Variants in KLHL4 observed in about 807,000 individuals in gnomAD.
KLHL4 encodes kelch like family member 4.
A neutral mutation model predicts 45.8 loss-of-function variants in KLHL4; 17 were observed. The observed-to-expected ratio is 0.37, with a 90% CI of 0.25 to 0.56. KLHL4 has a LOEUF of 0.56. Ranked by LOEUF, KLHL4 falls within the 20% of genes least tolerant of loss-of-function variation. The pLI is 0.79. For missense variants in KLHL4, 544 were observed against 544.9 expected (o/e 1.00, Z 0.02); for synonymous variants, 224 against 189.9 (o/e 1.18, Z -1.47).
chrX:87,545,441 C>T (rs966289152), intron 1 of KLHL4, among the ~76,000 whole-genome samples: 1 of 111,363 alleles, frequency 9.0e-6, no homozygotes, highest in African/African-American at 3.3e-5. Context: ...CCTTTGCTTC[C>T]TACACATGCC....
intron 1 of KLHL4, among the ~76,000 whole-genome samples, chrX:87,537,537 C>T (rs1219605236): frequency 3.6e-5 from 4 of 110,684 alleles, no homozygotes; most frequent in Non-Finnish European, 7.6e-5. Flanking sequence ...TGTAGATACA[C>T]ACACATATAC....
At chrX:87,614,123 C>A in intron 2 of KLHL4, 79 bp downstream of exon 2, 1 of 719,226 alleles carries the variant, frequency 1.4e-6, no homozygotes. Context: ...GGATTATAAA[C>A]TGGAATATTG....
intron 9 of KLHL4, among the ~76,000 whole-genome samples, chrX:87,653,937 C>A (rs1230600919): frequency 9.0e-6 from 1 of 110,742 alleles, no homozygotes; most frequent in Non-Finnish European, 1.9e-5. Flanking sequence ...AAGGAGAACA[C>A]ATGGACACAG....
At chrX:87,643,772 A>G (rs1240107711) in intron 9 of KLHL4, among the ~76,000 whole-genome samples, 2 of 112,011 alleles carry the variant, frequency 1.8e-5, no homozygotes, top group Non-Finnish European at 3.8e-5. Flanking sequence ...TAAATGTGGT[A>G]CAACTCATAA....
chrX:87,572,418 CTT>C (rs1160752319), intron 1 of KLHL4, among the ~76,000 whole-genome samples: 1 of 110,923 alleles, frequency 9.0e-6, no homozygotes, highest in East Asian at 2.8e-4. Flanking sequence ...CTCTCTCTCT[CTT>C]TCTCTCTATT....
At position 87,667,534 on chromosome X, in the gene KLHL4, T is replaced by A. The variant is rs1196411810; in HGVS notation, c.*1000T>A. On this transcript the variant is annotated 3_prime_UTR_variant, in exon 11 of 11. Coordinates refer to ENST00000373119, the MANE Select transcript of KLHL4 (RefSeq NM_019117.5). The stretch of plus-strand genomic sequence containing the variant: ...TAGTTATCTTTTTTGTACCAACACA[T>A]GCTTTTCTGTTACTGTTATATTATC... The A allele has an allele frequency of 1.4e-6, 1 of 698,088 alleles. No individual in the cohort carries two copies. Among genetic ancestry groups the A allele is most frequent in the Non-Finnish European group, 1.7e-6 (1 of 590,228 alleles). 57.5% of individuals were successfully genotyped at this position (698,088 alleles called of 1,213,427 possible).
intron 1 of KLHL4, among the ~76,000 whole-genome samples, chrX:87,543,734 G>A (rs995527837): frequency 5.4e-5 from 6 of 111,164 alleles, no homozygotes; most frequent in Non-Finnish European, 9.4e-5. Context: ...TTGCCACAAA[G>A]AGCCAAAATG....
chrX:87,520,983 G>A (rs1259450449), intron 1 of KLHL4, among the ~76,000 whole-genome samples: 1 of 111,827 alleles, frequency 8.9e-6, no homozygotes. Flanking sequence ...AAGAGATGTC[G>A]TGATTTCCTC....
intron 9 of KLHL4, among the ~76,000 whole-genome samples, chrX:87,643,033 C>T (rs776296566): frequency 9.0e-6 from 1 of 111,233 alleles, no homozygotes; most frequent in East Asian, 2.8e-4. Context: ...CATCCAAATA[C>T]AAGAAGCACA....
chrX:87,540,778 T>A (rs2147772731), intron 1 of KLHL4, among the ~76,000 whole-genome samples: 1 of 112,027 alleles, frequency 8.9e-6, no homozygotes, highest in South Asian at 3.7e-4. Context: ...ACAGTATATA[T>A]ATAAGCCAGT....
intron 1 of KLHL4, among the ~76,000 whole-genome samples, chrX:87,533,641 A>C (rs960367025): frequency 3.7e-5 from 4 of 108,893 alleles, no homozygotes; most frequent in African/African-American, 1.3e-4. Flanking sequence ...GCAGCATGGC[A>C]CATGTATACA....
intron 7 of KLHL4, 54 bp from the exon 8 acceptor site, chrX:87,633,695 T>C (rs1272927983): frequency 1.5e-5 from 15 of 1,000,517 alleles, no homozygotes; most frequent in Non-Finnish European, 1.9e-5. Context: ...AATGAAACAA[T>C]ATTCAGTGTG....
At chrX:87,665,418 T>C (rs776215830) in intron 10 of KLHL4, among the ~76,000 whole-genome samples, 44 of 110,986 alleles carry the variant, frequency 4.0e-4, no homozygotes, top group African/African-American at 1.4e-3. Flanking sequence ...TAGACTGCAA[T>C]ACTCCTAAAT....
At chrX:87,576,250 G>A (rs1009991558) in intron 1 of KLHL4, among the ~76,000 whole-genome samples, 19 of 111,477 alleles carry the variant, frequency 1.7e-4, no homozygotes, top group Non-Finnish European at 3.0e-4. Context: ...TCTATTTCAT[G>A]TAGTTTTGGA....
intron 1 of KLHL4, among the ~76,000 whole-genome samples, chrX:87,555,863 T>TA: frequency 9.0e-6 from 1 of 110,806 alleles, no homozygotes; most frequent in African/African-American, 3.3e-5. Context: ...TTTAGTGCTA[T>TA]AAATTTCCCT....
rs780778414 is a variant in KLHL4 at position 87,633,778 on chromosome X, G to T, written c.1579G>T (p.Ala527Ser). ...GVATLEGPMY[A>S]VGGHDGWSYL... The stretch of plus-strand genomic sequence containing the variant: ...AGCCACTCTTGAAGGACCAATGTAT[G>T]CTGTAGGTGGTCATGATGGATGGAG... The change falls in exon 8 of 11, where the codon GCT becomes TCT. Residue 527 changes from alanine (A) to serine (S), a missense_variant. By Grantham distance (99) the Ala-to-Ser change is moderately conservative. Coordinates refer to ENST00000373119, the MANE Select transcript of KLHL4 (RefSeq NM_019117.5). 2.5e-5 allele frequency: 30 copies of T among 1,201,620 alleles called. No homozygotes were observed. Among genetic ancestry groups the T allele is most frequent in the Non-Finnish European group, 3.3e-5 (29 of 891,046 alleles).
intron 1 of KLHL4, among the ~76,000 whole-genome samples, chrX:87,533,509 A>T (rs1333208151): frequency 6.0e-5 from 6 of 100,022 alleles, no homozygotes; most frequent in Non-Finnish European, 1.2e-4. Context: ...AACAATGAGA[A>T]CACATGGTCA....
intron 1 of KLHL4, among the ~76,000 whole-genome samples, chrX:87,554,030 A>T (rs993157257): frequency 1.9e-5 from 2 of 106,636 alleles, no homozygotes; most frequent in Non-Finnish European, 3.9e-5. Flanking sequence ...ATAATTGTAG[A>T]TATGCGGCAT....
At position 87,566,674 on chromosome X, in the gene KLHL4, CTT is replaced by C. The variant is rs1448278042; in HGVS notation, c.423-47200_423-47199del. Among the ~76,000 whole-genome samples the C allele has an allele frequency of 3.6e-5, 4 of 111,755 alleles. No homozygotes were observed. In the South Asian group the frequency reaches 1.5e-3, roughly 42 times the overall value. Reference sequence around the variant, plus strand: ...AAGTTGAAAAATCATAAGTCAAACTCTTTTAAGTGAGAACGTCTGTACTAGCA... The same window carrying C: ...AAGTTGAAAAATCATAAGTCAAACTCTTAAGTGAGAACGTCTGTACTAGCA... On this transcript the variant is annotated intron_variant, in intron 1 of 10. Coordinates refer to ENST00000373119, the MANE Select transcript of KLHL4 (RefSeq NM_019117.5).
Sources: gnomAD v4.1 joint callset for allele counts (sites outside exome capture counted in the v4.1 genomes callset) on GRCh38, gnomAD v4.1.1 for gene constraint, MANE v1.5 for transcripts, NCBI Gene and HGNC (gene_info 2026-07-23, HGNC 2026-07-21) for gene names.